The following STYXL1 variants were observed in gnomAD, a reference collection of about 807,000 sequenced individuals.
STYXL1 encodes serine/threonine/tyrosine interacting like 1, also known as serine/threonine/tyrosine-interacting-like protein 1.
Under a neutral mutation model 36.4 loss-of-function variants are expected in STYXL1, and 32 were observed. The ratio of observed to expected loss-of-function variants is 0.88; its 90% CI spans 0.66 to 1.18. The LOEUF is 1.18. Ranked by LOEUF, STYXL1 falls within the 50% of genes most tolerant of loss-of-function variation. STYXL1 has a pLI of 0.00. For missense variants in STYXL1, 354 were observed against 394.1 expected (o/e 0.90, Z 0.86); for synonymous variants, 133 against 144.1 (o/e 0.92, Z 0.55).
intron 5 of STYXL1, 75 bp downstream of exon 5, chr7:76,013,667 C>G: frequency 1.3e-6 from 2 of 1,598,246 alleles, no homozygotes; most frequent in East Asian, 4.5e-5. Context: ...GTTTCTCCCA[C>G]TCAGTCACCC....
intron 1 of STYXL1, among the ~76,000 whole-genome samples, chr7:76,042,937 G>C (rs575560781): frequency 1.3e-5 from 2 of 152,306 alleles, no homozygotes; most frequent in African/African-American, 4.8e-5. Context: ...ACAGAGGCTG[G>C]TAATAGGCCT....
At chr7:76,016,490 T>C (rs1793394882) in intron 4 of STYXL1, among the ~76,000 whole-genome samples, 1 of 151,886 alleles carries the variant, frequency 6.6e-6, no homozygotes, top group African/African-American at 2.4e-5. Context: ...CACGTATATA[T>C]ATAAAAACAC....
At chr7:76,032,086 T>C (rs782386836) in intron 1 of STYXL1, among the ~76,000 whole-genome samples, 5 of 152,012 alleles carry the variant, frequency 3.3e-5, no homozygotes, top group Admixed American at 6.6e-5. Context: ...CTGGACCACA[T>C]AGCAAGACCC....
intron 4 of STYXL1, 144 bp downstream of exon 4, chr7:76,021,707 G>T: frequency 2.9e-6 from 2 of 693,558 alleles, no homozygotes; most frequent in South Asian, 1.7e-5. Context: ...CAGTGATCAT[G>T]AAGCTCTTTT....
rs1791286746 is a variant in STYXL1, at chr7:76,003,771, CAT to C, written c.682_683del (p.Met228ValfsTer5). On this transcript the variant is annotated frameshift_variant, in exon 7 of 9. Coordinates refer to ENST00000359697, the MANE Select transcript of STYXL1 (RefSeq NM_001317785.2). LOFTEE classifies it high-confidence loss of function. ...AACGCTCCTTACCAATGAAGTGACACATGTGGCGTAAGAAGGGAAGAATCTGG... is the reference window on the plus strand; with the variant it reads ...AACGCTCCTTACCAATGAAGTGACACGTGGCGTAAGAAGGGAAGAATCTGG... ...EAQILPFLRH[M>X]CHFIEIHHHL... The C allele has an allele frequency of 2.5e-6, 4 of 1,614,178 alleles. No homozygotes were observed. Among genetic ancestry groups the C allele is most frequent in the Non-Finnish European group, 3.4e-6 (4 of 1,180,022 alleles).
intron 4 of STYXL1, among the ~76,000 whole-genome samples, chr7:76,016,717 A>T (rs895772713): frequency 6.6e-6 from 1 of 152,184 alleles, no homozygotes. Flanking sequence ...AATGGCTTTT[A>T]TTAGAAAGCC....
Position 76,004,561 on chromosome 7 carries a change from C to T in STYXL1, c.599+698G>A, listed in dbSNP as rs568744431. On this transcript the variant is annotated intron_variant, in intron 6 of 8. Coordinates refer to ENST00000359697, the MANE Select transcript of STYXL1 (RefSeq NM_001317785.2). ...TCTACTAAAAACTACAAAAATTAGC[C>T]GGGTATGATGGCACACACCTTTAGT... 6.6e-5 allele frequency among the ~76,000 whole-genome samples: 10 copies of T among 152,078 alleles called. No individual in the cohort carries two copies. In the South Asian group the frequency reaches 1.2e-3, roughly 19 times the overall value.
At chr7:76,046,839 T>TG (rs1169838921) in intron 1 of STYXL1, among the ~76,000 whole-genome samples, 1 of 150,978 alleles carries the variant, frequency 6.6e-6, no homozygotes, top group Non-Finnish European at 1.5e-5. Context: ...TTAGTAGAGA[T>TG]GGGGTTTCAC....
intron 7 of STYXL1, among the ~76,000 whole-genome samples, chr7:76,001,792 A>ATTTTT (rs71082373): frequency 5.2e-5 from 5 of 96,942 alleles, no homozygotes; most frequent in South Asian, 3.9e-4. Context: ...ACTGCGCCTG[A>ATTTTT]TTTTTTTTTT....
chr7:76,010,726 A>C (rs1374430790), intron 5 of STYXL1, among the ~76,000 whole-genome samples: 1 of 152,140 alleles, frequency 6.6e-6, no homozygotes, highest in Non-Finnish European at 1.5e-5. Context: ...TCTGCCCAGA[A>C]GAGGGGAAGA....
intron 4 of STYXL1, among the ~76,000 whole-genome samples, chr7:76,017,413 A>G (rs898743650): frequency 6.6e-6 from 1 of 152,204 alleles, no homozygotes; most frequent in Non-Finnish European, 1.5e-5. Context: ...CTGCAGCACC[A>G]TGGATGGAGC....
At chr7:76,017,663 A>G (rs1419952405) in intron 4 of STYXL1, among the ~76,000 whole-genome samples, 2 of 151,734 alleles carry the variant, frequency 1.3e-5, no homozygotes, top group African/African-American at 4.8e-5. Flanking sequence ...AGGCGGGTGC[A>G]TCATCTGAGG....
At position 76,000,559 on chromosome 7, in the gene STYXL1, G is replaced by A. The variant is rs781851264; in HGVS notation, c.810+331C>T. ...GGGAGATAGACGGGAGTGGGTGGGC[G>A]CCTGTGCTGCAGCTCTGGGACTCCA... On this transcript the variant is annotated intron_variant, in intron 8 of 8. Coordinates refer to ENST00000359697, the MANE Select transcript of STYXL1 (RefSeq NM_001317785.2). 11 of 481,896 alleles carry A rather than the reference G, an allele frequency of 2.3e-5. No individual in the cohort carries two copies. The Middle Eastern group carries it at 1.2e-3, about 55-fold the overall frequency. 29.9% of individuals were successfully genotyped at this position (481,896 alleles called of 1,614,324 possible).
intron 3 of STYXL1, 71 bp from the exon 4 acceptor site, chr7:76,022,063 T>C (rs2116075848): frequency 6.4e-7 from 1 of 1,565,674 alleles, no homozygotes; most frequent in Non-Finnish European, 8.6e-7. Context: ...AGAGACTCCC[T>C]GCATAGCAGC....
At chr7:76,028,297 G>C (rs1794943915) in intron 3 of STYXL1, among the ~76,000 whole-genome samples, 4 of 152,142 alleles carry the variant, frequency 2.6e-5, no homozygotes, top group Admixed American at 2.6e-4. Context: ...GCCTCACAAA[G>C]TGCTGGGACT....
chr7:76,006,231 T>G (rs1791749106), intron 5 of STYXL1, among the ~76,000 whole-genome samples: 1 of 151,982 alleles, frequency 6.6e-6, no homozygotes, highest in South Asian at 2.1e-4. Context: ...ATGACCATAC[T>G]CAGCTAATTT....
At chr7:76,041,404 C>T (rs782577256) in intron 1 of STYXL1, among the ~76,000 whole-genome samples, 10 of 152,020 alleles carry the variant, frequency 6.6e-5, no homozygotes, top group Non-Finnish European at 1.3e-4. Flanking sequence ...GGTTTGTCCC[C>T]AGCAAAACTC....
intron 6 of STYXL1, among the ~76,000 whole-genome samples, chr7:76,005,042 A>G (rs1371961769): frequency 5.3e-5 from 8 of 152,126 alleles, no homozygotes; most frequent in African/African-American, 1.4e-4. Context: ...GGGAAGGGAT[A>G]GCATTAGGAG....
At position 76,047,822 on chromosome 7, in the gene STYXL1, G is replaced by A; in HGVS notation, c.-165C>T. On this transcript the variant is annotated 5_prime_UTR_variant, in exon 1 of 9. Transcript: ENST00000359697. Reference sequence around the variant, plus strand: ...TGCCTGGGGCCCCACCTGGAAAAATGGCTCCTCTAAGGCGCTTCCAGCCTA... The same window carrying A: ...TGCCTGGGGCCCCACCTGGAAAAATAGCTCCTCTAAGGCGCTTCCAGCCTA... 1.0e-6 allele frequency: 1 copy of A among 987,468 alleles called. No individual in the cohort carries two copies. The highest frequency in any genetic ancestry group is 1.3e-6 in the Non-Finnish European group (1 of 757,394). 61.2% of individuals were successfully genotyped at this position (987,468 alleles called of 1,614,324 possible).
Sources: gnomAD v4.1 joint callset for allele counts (sites outside exome capture counted in the v4.1 genomes callset) on GRCh38, gnomAD v4.1.1 for gene constraint, MANE v1.5 for transcripts, NCBI Gene and HGNC (gene_info 2026-07-23, HGNC 2026-07-21) for gene names.